The following SCLY variants were observed in gnomAD, a reference collection of about 807,000 sequenced individuals.
SCLY encodes the protein selenocysteine lyase, also known as putative selenocysteine lyase.
SCLY carries 38 observed loss-of-function variants against 50.1 expected under a neutral mutation model. The ratio of observed to expected loss-of-function variants is 0.76; its 90% CI spans 0.59 to 0.99. The LOEUF is 0.99. Among genes scored for constraint, SCLY ranks in the 50% least tolerant of loss-of-function variants. The pLI is 0.00. For synonymous variants in SCLY, 243 were observed against 249.4 expected, an observed-to-expected ratio of 0.97 and a Z score of 0.24; for missense variants, 600 against 620.0, an observed-to-expected ratio of 0.97 and a Z score of 0.34.
intron 5 of SCLY, 84 bp downstream of exon 5, chr2:238,081,920 T>A: frequency 6.3e-7 from 1 of 1,580,682 alleles, no homozygotes; most frequent in South Asian, 1.2e-5. Context: ...GTTTCCCAGC[T>A]CTGGCCTCTC....
Position 238,068,082 on chromosome 2 carries a change from A to T in SCLY, c.220A>T (p.Ile74Phe). The part of the protein sequence containing the change: ...PYSAGRKAKD[I>F]INAARESLAK... ...CCCTCAAGGAAGAAAGGCCAAGGAT[A>T]TTATAAATGCAGCTCGGGAAAGCCT... is the stretch of plus-strand genomic sequence containing the variant. The change falls in exon 3 of 12, where the codon ATT (isoleucine) becomes TTT (phenylalanine). Residue 74 changes from isoleucine to phenylalanine, a missense_variant. Physicochemically the swap from Ile to Phe is conservative, Grantham distance 21 (BLOSUM62 0). Coordinates refer to ENST00000254663, the MANE Select transcript of SCLY (RefSeq NM_016510.7). 1 of 1,612,684 alleles carries T rather than the reference A, an allele frequency of 6.2e-7. No homozygotes were observed. The highest frequency in any genetic ancestry group is 1.1e-5 in the South Asian group (1 of 90,630).
At position 238,063,344 on chromosome 2, in the gene SCLY, C is replaced by T. The variant is rs542855251; in HGVS notation, c.90-1013C>T. Among the ~76,000 whole-genome samples, 7 of 151,718 alleles carry T rather than the reference C, an allele frequency of 4.6e-5. No homozygotes were observed. The East Asian group carries it at 1.2e-3, about 25-fold the overall frequency. On this transcript the variant is annotated intron_variant, in intron 1 of 11. Coordinates refer to ENST00000254663, the MANE Select transcript of SCLY (RefSeq NM_016510.7). The stretch of plus-strand genomic sequence containing the variant: ...CTCGGCTCACAGCAACCTCTGCCTC[C>T]TGGGTTCAAGCAATTCTTCTGCCCC...
At chr2:238,081,903 G>A (rs1296282692) in intron 5 of SCLY, 67 bp downstream of exon 5, 27 of 1,586,168 alleles carry the variant, frequency 1.7e-5, no homozygotes, top group Middle Eastern at 1.7e-4. Context: ...GACTCATGGC[G>A]TTTCAGGTTT....
chr2:238,075,054 A>G (rs1205087289), intron 4 of SCLY, among the ~76,000 whole-genome samples: 2 of 152,124 alleles, frequency 1.3e-5, no homozygotes, highest in African/African-American at 2.4e-5. Context: ...GGTTTTTTAT[A>G]GATGGCCTTT....
chr2:238,081,670 TTTGTGC>T lies in SCLY; in HGVS notation c.485-38_485-33del, dbSNP rs371276685. The stretch of plus-strand genomic sequence containing the variant: ...GGAACGCAGTTTTGAGAGGAATCAA[TTTGTGC>T]AGCTCAGTTCGGTACTCATGTTTGT... On this transcript the variant is annotated intron_variant, in intron 4 of 11. Coordinates refer to ENST00000254663, the MANE Select transcript of SCLY (RefSeq NM_016510.7). 240 of 1,588,562 alleles carry T rather than the reference TTTGTGC, an allele frequency of 1.5e-4. 1 individual carries two copies. The African/African-American group carries it at 2.7e-3, about 18-fold the overall frequency.
intron 1 of SCLY, among the ~76,000 whole-genome samples, chr2:238,063,026 T>A (rs997421687): frequency 3.1e-4 from 47 of 152,202 alleles, no homozygotes; most frequent in Admixed American, 6.5e-5. Flanking sequence ...AGGCCCCTGT[T>A]GTGTGGCAAC....
intron 7 of SCLY, among the ~76,000 whole-genome samples, chr2:238,084,587 T>G (rs2065270300): frequency 3.6e-5 from 1 of 27,824 alleles, no homozygotes; most frequent in Non-Finnish European, 6.4e-5. Context: ...CAAGACTCTG[T>G]CTCAAAAAAA....
chr2:238,071,656 T>C (rs2065129190), intron 4 of SCLY, among the ~76,000 whole-genome samples: 1 of 152,184 alleles, frequency 6.6e-6, no homozygotes, highest in African/African-American at 2.4e-5. Context: ...CCTAAACCTC[T>C]GCAGCAGCAA....
rs540774829 is a variant in SCLY, at chr2:238,067,047, G to T, written c.203-1018G>T. 5.4e-4 allele frequency among the ~76,000 whole-genome samples: 82 copies of T among 152,274 alleles called. No individual in the cohort carries two copies. The highest frequency in any genetic ancestry group is 3.4e-3 in the Middle Eastern group (1 of 294). ...CCACCGGGTCCCTCTGATGACGTGGGAATTATGGGAGCTACAATTCAAGAT... is the reference window on the plus strand; with the variant it reads ...CCACCGGGTCCCTCTGATGACGTGGTAATTATGGGAGCTACAATTCAAGAT... On this transcript the variant is annotated intron_variant, in intron 2 of 11. Coordinates refer to ENST00000254663, the MANE Select transcript of SCLY (RefSeq NM_016510.7). The surrounding 1 kb of genome is among the most constrained non-coding windows in gnomAD (Gnocchi z 4.3).
rs112310414 is a variant in SCLY, at chr2:238,083,022, C to G, written c.778-226C>G. 6 of 618,676 alleles carry G rather than the reference C, an allele frequency of 9.7e-6. No homozygotes were observed. The highest frequency in any genetic ancestry group is 6.3e-5 in the South Asian group (4 of 63,686). 38.3% of individuals were successfully genotyped at this position (618,676 alleles called of 1,614,324 possible). On this transcript the variant is annotated intron_variant, in intron 6 of 11. Transcript: ENST00000254663. This position sits in a 1 kb window ranked among gnomAD's most constrained non-coding sequence, Gnocchi z 4.3. ...GAGCTGCCTGCCACAGAGCTGAGCA[C>G]GAGAGTCTAGCACCTGCGCTGCCTC...
intron 9 of SCLY, 89 bp from the exon 10 acceptor site, chr2:238,094,331 T>C: frequency 7.4e-6 from 8 of 1,078,178 alleles, no homozygotes; most frequent in East Asian, 2.4e-5. Flanking sequence ...CCTGCTGAAG[T>C]TGTGTTTCTG....
At chr2:238,061,243 C>A in intron 1 of SCLY, 100 bp downstream of exon 1, 1 of 917,312 alleles carries the variant, frequency 1.1e-6, no homozygotes, top group Non-Finnish European at 1.8e-6. Flanking sequence ...GCCGCTCTCG[C>A]GTGGGGCGTC....
chr2:238,073,360 A>G (rs149645282), intron 4 of SCLY, among the ~76,000 whole-genome samples: 64 of 152,318 alleles, frequency 4.2e-4, no homozygotes, highest in Middle Eastern at 3.4e-3. Context: ...TCTCAAAAGA[A>G]TTTTAGGATC....
chr2:238,079,568 A>G (rs1328225510), intron 4 of SCLY: 1 of 152,168 alleles, frequency 6.6e-6, no homozygotes, highest in Non-Finnish European at 1.5e-5. Context: ...ATTGTGTGTT[A>G]TAGCCCTAAC....
Position 238,093,918 on chromosome 2 carries a change from C to T in SCLY, c.979C>T (p.Arg327Cys), listed in dbSNP as rs755796401. The change falls in exon 9 of 12, where the codon CGC becomes TGC. Residue 327 changes from arginine (R) to cysteine (C), a missense_variant. Transcript: ENST00000254663. ...EAYEAHMRDVRDYLEERLEAE... is the reference protein window; with the variant it reads ...EAYEAHMRDVCDYLEERLEAE... Reference sequence around the variant, plus strand: ...TTATGAGGCCCACATGAGGGACGTCCGCGACTACCTGGAAGAGAGGCTGGA... The same window carrying T: ...TTATGAGGCCCACATGAGGGACGTCTGCGACTACCTGGAAGAGAGGCTGGA... 9 of 1,613,788 alleles carry T rather than the reference C, an allele frequency of 5.6e-6. No homozygotes were observed. In the Admixed American group the frequency reaches 6.7e-5, roughly 12 times the overall value.
intron 7 of SCLY, among the ~76,000 whole-genome samples, chr2:238,090,635 A>C (rs9808016): frequency 0.71 from 108,626 of 151,964 alleles, 39,190 homozygotes; most frequent in African/African-American, 0.8. Flanking sequence ...GACCCCATCT[A>C]AAAAAAAATT....
intron 8 of SCLY, 199 bp from the exon 9 acceptor site, chr2:238,093,662 T>C (rs1016415476): frequency 1.8e-5 from 11 of 602,198 alleles, no homozygotes; most frequent in Non-Finnish European, 3.0e-5. Flanking sequence ...TGCCTGGTGC[T>C]GTCAGGAGGT....
chr2:238,081,687 G>T, intron 4 of SCLY, 22 bp from the exon 5 acceptor site: 1 of 1,609,796 alleles, frequency 6.2e-7, no homozygotes, highest in Non-Finnish European at 8.5e-7. Flanking sequence ...AGCTCAGTTC[G>T]GTACTCATGT....
intron 4 of SCLY, 53 bp from the exon 5 acceptor site, chr2:238,081,656 T>G (rs2106446212): frequency 6.3e-7 from 1 of 1,582,766 alleles, no homozygotes; most frequent in Non-Finnish European, 8.6e-7. Flanking sequence ...GAACGCAGTT[T>G]TGAGAGGAAT....
Sources: allele counts gnomAD v4.1 joint callset (sites outside exome capture counted in the v4.1 genomes callset), GRCh38; gene constraint gnomAD v4.1.1; non-coding constraint Gnocchi (gnomAD v3.1); transcripts MANE v1.5; gene names NCBI Gene and HGNC (gene_info 2026-07-23, HGNC 2026-07-21).